Variants in CACNA1A observed in about 807,000 individuals in gnomAD.
CACNA1A encodes the protein voltage-dependent P/Q-type calcium channel subunit alpha-1A.
CACNA1A carries 57 observed loss-of-function variants against 262.4 expected under a neutral mutation model. The ratio of observed to expected loss-of-function variants is 0.22; its 90% CI spans 0.18 to 0.27. CACNA1A has a LOEUF of 0.27. Among genes scored for constraint, CACNA1A ranks in the 10% least tolerant of loss-of-function variants. CACNA1A has a pLI of 1.00. For missense variants in CACNA1A, 2,526 were observed against 3,562.8 expected (o/e 0.71, Z 7.41); for synonymous variants, 1,431 against 1,419.3 (o/e 1.01, Z -0.18).
Position 13,320,627 on chromosome 19 carries a change from T to C in CACNA1A, c.1346-3306A>G, listed in dbSNP as rs559440307. On this transcript the variant is annotated intron_variant, in intron 10 of 46. Transcript: ENST00000360228. ...CCTTCACTGGTAAGGGAGAGGGAAA[T>C]GAATATTAATTGAACACCTACTAAG... Among the ~76,000 whole-genome samples, 7 of 152,186 alleles carry C rather than the reference T, an allele frequency of 4.6e-5. 1 individual carries two copies. Among genetic ancestry groups the C allele is most frequent in the African/African-American group, 1.4e-4 (6 of 41,506 alleles).
rs372970430 is a variant in CACNA1A, at chr19:13,283,275, G to A, written c.3814C>T (p.Arg1272Trp). The change falls in exon 22 of 47, where the codon CGG (arginine) becomes TGG (tryptophan). Residue 1272 changes from arginine to tryptophan, a missense_variant. Physicochemically the swap from Arg to Trp is moderately radical, Grantham distance 101. Around this residue, in one of 17 missense-constraint regions of CACNA1A, gnomAD observed 137 missense variants for 377.7 expected, o/e 0.36. Transcript: ENST00000360228. ...AEDPVQPNAP[R>W]NNVLRYFDYV... ...TGCTCTGTGGGACTCACGTTGTTCC[G>A]AGGTGCGTTGGGCTGCACAGGGTCC... 16 of 1,613,782 alleles carry A rather than the reference G, an allele frequency of 9.9e-6. No individual in the cohort carries two copies. The highest frequency in any genetic ancestry group is 1.3e-5 in the Non-Finnish European group (15 of 1,179,814).
chr19:13,208,933 C>T lies in CACNA1A; in HGVS notation c.6603G>A (p.Arg2201=), dbSNP rs1197107769. ...GCTGTCGATGCTTCCGATCCTTGGGCCGGCCCCGCTCCTGGTCCCGCTCCT... is the reference window on the plus strand; with the variant it reads ...GCTGTCGATGCTTCCGATCCTTGGGTCGGCCCCGCTCCTGGTCCCGCTCCT... ...PSKERDQERG[R]PKDRKHRQHH... The change falls in exon 46 of 47, where the codon CGG becomes CGA. Residue 2201 remains arginine, a synonymous_variant. Coordinates refer to ENST00000360228, the MANE Select transcript of CACNA1A (RefSeq NM_001127222.2). 7 of 1,537,326 alleles carry T rather than the reference C, an allele frequency of 4.6e-6. No homozygotes were observed. The Admixed American group carries it at 9.8e-5, about 22-fold the overall frequency.
Position 13,376,744 on chromosome 19 carries a change from AAC to A in CACNA1A, c.540-4967_540-4966del, listed in dbSNP as rs201771152. On this transcript the variant is annotated intron_variant, in intron 3 of 46. Coordinates refer to ENST00000360228, the MANE Select transcript of CACNA1A (RefSeq NM_001127222.2). ...AATATATGTTATATATGATATATAT[AAC>A]ACAATATGTTATATGTGACATATAT... Among the ~76,000 whole-genome samples, 1,356 of 147,764 alleles carry A rather than the reference AAC, an allele frequency of 9.2e-3. 22 individuals carry two copies. The highest frequency in any genetic ancestry group is 0.032 in the African/African-American group (1,295 of 40,716).
Position 13,208,147 on chromosome 19 carries a change from AGAGGGGCCG to A in CACNA1A, c.6781-103_6781-95del. 2.0e-5 allele frequency: 6 copies of A among 301,074 alleles called. No homozygotes were observed. In the South Asian group the frequency reaches 7.9e-4, roughly 40 times the overall value. 18.7% of individuals were successfully genotyped at this position (301,074 alleles called of 1,614,324 possible). ...GGGAGGAAGAGAGGGGAGCGAAGGGAGAGGGGCCGGGAGGAGAGGGAGGAGGGGGAGGGG... is the reference window on the plus strand; with the variant it reads ...GGGAGGAAGAGAGGGGAGCGAAGGGAGGAGGAGAGGGAGGAGGGGGAGGGG... On this transcript the variant is annotated intron_variant, in intron 46 of 46. Transcript: ENST00000360228.
rs796594773 is a variant in CACNA1A at position 13,240,610 on chromosome 19, ATTGTGTGTGTG to A, written c.4950+4561_4950+4571del. Reference sequence around the variant, plus strand: ...GTGCAGTGACTGTGTGTGCGCAGTGATTGTGTGTGTGCAGTGTGTGTGCAGTGTCTGCGCAG... The same window carrying A: ...GTGCAGTGACTGTGTGTGCGCAGTGACAGTGTGTGTGCAGTGTCTGCGCAG... On this transcript the variant is annotated intron_variant, in intron 31 of 46. Coordinates refer to ENST00000360228, the MANE Select transcript of CACNA1A (RefSeq NM_001127222.2). Among the ~76,000 whole-genome samples the A allele has an allele frequency of 1.1e-4, 15 of 141,164 alleles. No homozygotes were observed. In the South Asian group the frequency reaches 1.4e-3, roughly 13 times the overall value. The allele number at this position is 141,164 out of a possible 152,430, so 92.6% of individuals were successfully genotyped here. A position where few individuals can be genotyped will look rare whatever the true frequency, so the allele number is the denominator to read the frequency against.
chr19:13,506,407 G>A lies in CACNA1A; in HGVS notation c.-183C>T, dbSNP rs1405898672. On this transcript the variant is annotated 5_prime_UTR_variant, in exon 1 of 47. Coordinates refer to ENST00000360228, the MANE Select transcript of CACNA1A (RefSeq NM_001127222.2). Reference sequence around the variant, plus strand: ...GGCGGCGGCTCGGCGCCTCGGGTCGGGGGCTCAGAAGGCGGCTGCCCGGGC... The same window carrying A: ...GGCGGCGGCTCGGCGCCTCGGGTCGAGGGCTCAGAAGGCGGCTGCCCGGGC... 8 of 433,580 alleles carry A rather than the reference G, an allele frequency of 1.8e-5. No homozygotes were observed. Among genetic ancestry groups the A allele is most frequent in the Non-Finnish European group, 3.1e-5 (8 of 260,058 alleles). The allele number at this position is 433,580 out of a possible 1,614,324, so 26.9% of individuals were successfully genotyped here. A position where few individuals can be genotyped will look rare whatever the true frequency, so the allele number is the denominator to read the frequency against.
chr19:13,374,321 C>T (rs2059370148), intron 3 of CACNA1A, among the ~76,000 whole-genome samples: 1 of 152,170 alleles, frequency 6.6e-6, no homozygotes, highest in Admixed American at 6.5e-5. Flanking sequence ...AACAACAGCT[C>T]ACTGCAGCCT....
chr19:13,348,689 A>T (rs1030468406), intron 6 of CACNA1A, among the ~76,000 whole-genome samples: 3 of 152,300 alleles, frequency 2.0e-5, no homozygotes, highest in East Asian at 1.9e-4. Flanking sequence ...ACAAAAAATT[A>T]GCTGGGCGTG....
intron 38 of CACNA1A, among the ~76,000 whole-genome samples, chr19:13,222,759 A>G (rs1366023086): frequency 6.9e-6 from 1 of 145,784 alleles, no homozygotes; most frequent in Non-Finnish European, 1.5e-5. Context: ...CAGTGGCGCG[A>G]TCTTGGCTCA....
chr19:13,393,393 A>G (rs907440321), intron 3 of CACNA1A, among the ~76,000 whole-genome samples: 2 of 152,192 alleles, frequency 1.3e-5, no homozygotes, highest in Non-Finnish European at 2.9e-5. Flanking sequence ...CTTAAAGTTC[A>G]AAAACAAGCA....
At chr19:13,312,936 G>A (rs777267704) in intron 11 of CACNA1A, among the ~76,000 whole-genome samples, 155 bp from the exon 12 acceptor site, 17 of 152,018 alleles carry the variant, frequency 1.1e-4, no homozygotes, top group Non-Finnish European at 1.8e-4. Context: ...TCAAACTCCT[G>A]GCCTCAAACA....
In CACNA1A at chr19:13,299,565, G is replaced by A. The variant is rs56007854; in HGVS notation, c.2280-212C>T. Among the ~76,000 whole-genome samples, 16,340 of 152,110 alleles carry A rather than the reference G, an allele frequency of 0.11. 1,152 individuals carry two copies. The highest frequency in any genetic ancestry group is 0.28 in the South Asian group (1,326 of 4,816). On this transcript the variant is annotated intron_variant, in intron 18 of 46. Transcript: ENST00000360228. ...GGCTCCCACCTGGCTAGGGGCAAAA[G>A]CCCAAGTCCTCCCCCCTGACCCAGA... is the stretch of plus-strand genomic sequence containing the variant.
chr19:13,452,873 T>C lies in CACNA1A; in HGVS notation c.539+3A>G, dbSNP rs761672763. On this transcript the variant is annotated splice_donor_region_variant and intron_variant, in intron 3 of 46. Transcript: ENST00000360228. ...TCCAAAGCGTATAGCACGCGCCACT[T>C]ACCCCGTTAGCACCACCACAAAGTC... 1 of 1,613,532 alleles carries C rather than the reference T, an allele frequency of 6.2e-7. No homozygotes were observed. The highest frequency in any genetic ancestry group is 8.5e-7 in the Non-Finnish European group (1 of 1,179,572).
At chr19:13,318,552 A>G (rs959365226) in intron 10 of CACNA1A, among the ~76,000 whole-genome samples, 7 of 152,168 alleles carry the variant, frequency 4.6e-5, no homozygotes, top group Non-Finnish European at 1.0e-4. Flanking sequence ...GAGAGTAGAC[A>G]GTGAGAGGTG....
chr19:13,277,134 AG>A lies in CACNA1A; in HGVS notation c.3823-7del. The A allele has an allele frequency of 6.2e-7, 1 of 1,608,526 alleles. No individual in the cohort carries two copies. The highest frequency in any genetic ancestry group is 8.5e-7 in the Non-Finnish European group (1 of 1,175,190). Reference sequence around the variant, plus strand: ...TAGTCAAAGTATCGCAGCACCTGTAAGGGATAAAAGCAAGAGAGCAGTGGAT... The same window carrying A: ...TAGTCAAAGTATCGCAGCACCTGTAAGGATAAAAGCAAGAGAGCAGTGGAT... On this transcript the variant is annotated splice_polypyrimidine_tract_variant and splice_region_variant and intron_variant, in intron 22 of 46. Coordinates refer to ENST00000360228, the MANE Select transcript of CACNA1A (RefSeq NM_001127222.2).
At chr19:13,356,879 G>C (rs1002489883) in intron 6 of CACNA1A, among the ~76,000 whole-genome samples, 1 of 152,206 alleles carries the variant, frequency 6.6e-6, no homozygotes, top group Non-Finnish European at 1.5e-5. Flanking sequence ...GTTTGCAGGT[G>C]ACGGCCAAGA....
At chr19:13,431,817 T>C (rs2060509783) in intron 3 of CACNA1A, among the ~76,000 whole-genome samples, 1 of 151,974 alleles carries the variant, frequency 6.6e-6, no homozygotes, top group African/African-American at 2.4e-5. Flanking sequence ...ATATGTGAGC[T>C]CTAAAAAATT....
intron 30 of CACNA1A, among the ~76,000 whole-genome samples, chr19:13,246,905 C>A (rs1406650848): frequency 6.6e-6 from 1 of 152,182 alleles, no homozygotes; most frequent in Non-Finnish European, 1.5e-5. Flanking sequence ...GGATTACAGG[C>A]GTGAGCCACC....
rs1272629711 is a variant in CACNA1A at position 13,286,827 on chromosome 19, C to T, written c.3229G>A (p.Glu1077Lys). Reference sequence around the variant, plus strand: ...AGGCTGCCGTGGGGAGCGGCCGACTCCGCGGTGGCCAGCTTGTTGTTCTTC... The same window carrying T: ...AGGCTGCCGTGGGGAGCGGCCGACTTCGCGGTGGCCAGCTTGTTGTTCTTC... ...NMKNNKLATA[E>K]SAAPHGSLGH... Residue 1077 changes from glutamate (E) to lysine (K), a missense_variant, in exon 20 of 47, where the codon GAG (glutamate) becomes AAG (lysine). Around this residue, in one of 17 missense-constraint regions of CACNA1A, gnomAD observed 765 missense variants for 748.6 expected, o/e 1.02. Transcript: ENST00000360228. 3 of 1,613,626 alleles carry T rather than the reference C, an allele frequency of 1.9e-6. No individual in the cohort carries two copies. Among genetic ancestry groups the T allele is most frequent in the Non-Finnish European group, 1.7e-6 (2 of 1,179,808 alleles).
Sources: allele counts gnomAD v4.1 joint callset (sites outside exome capture counted in the v4.1 genomes callset), GRCh38; gene constraint gnomAD v4.1.1; regional missense constraint gnomAD v4.1.1; transcripts MANE v1.5; gene names NCBI Gene and HGNC (gene_info 2026-07-23, HGNC 2026-07-21).